HEPH: variants seen among roughly 807,000 people sequenced by gnomAD.
HEPH encodes hephaestin.
In HEPH, 69 loss-of-function variants were observed where a neutral mutation model predicts 80.8. The observed-to-expected ratio is 0.85, with a 90% CI of 0.70 to 1.04. HEPH has a LOEUF of 1.04. HEPH is among the 50% of genes least tolerant of loss of function. The pLI is 0.00. For synonymous variants in HEPH, 431 were observed against 322.8 expected (o/e 1.34, Z -3.60); for missense variants, 1,115 against 891.3 (o/e 1.25, Z -3.20).
rs1275712964 is a variant in HEPH, at chrX:66,260,087, A to G, written c.3037-13A>G. ...CTTCACTTCCTCTCCCTCATTCCCAATCTCTCTTGCAGAATGGCGAGAACT... is the reference window on the plus strand; with the variant it reads ...CTTCACTTCCTCTCCCTCATTCCCAGTCTCTCTTGCAGAATGGCGAGAACT... On this transcript the variant is annotated splice_polypyrimidine_tract_variant and intron_variant, in intron 18 of 20. Transcript: ENST00000343002. 2 of 1,202,209 alleles carry G rather than the reference A, an allele frequency of 1.7e-6. No homozygotes were observed. The highest frequency in any genetic ancestry group is 3.0e-5 in the East Asian group (1 of 33,671).
intron 15 of HEPH, among the ~76,000 whole-genome samples, chrX:66,230,073 A>G (rs1247965976): frequency 1.0e-5 from 1 of 100,322 alleles, no homozygotes; most frequent in South Asian, 5.1e-4. Context: ...ATGATTTCCA[A>G]TTTCATCCAT....
chrX:66,212,275 T>C (rs1186233785), intron 15 of HEPH, among the ~76,000 whole-genome samples: 2 of 110,397 alleles, frequency 1.8e-5, no homozygotes, highest in East Asian at 5.6e-4. Context: ...AATTTTTTTT[T>C]CCCATTCAGC....
intron 15 of HEPH, among the ~76,000 whole-genome samples, chrX:66,240,209 G>T (rs1251564622): frequency 1.8e-5 from 2 of 111,546 alleles, no homozygotes. Context: ...AATAGATATA[G>T]TCTCTTTATT....
intron 20 of HEPH, among the ~76,000 whole-genome samples, chrX:66,265,742 T>C (rs2091519001): frequency 8.9e-6 from 1 of 111,750 alleles, no homozygotes; most frequent in African/African-American, 3.2e-5. Context: ...TGAAAGGGGA[T>C]CACTTTTTAT....
chrX:66,234,456 G>A (rs1199673527), intron 15 of HEPH, among the ~76,000 whole-genome samples: 2 of 111,290 alleles, frequency 1.8e-5, no homozygotes, highest in African/African-American at 6.5e-5. Flanking sequence ...TGAGTTGAAT[G>A]GTAGTTCTGT....
intron 9 of HEPH, among the ~76,000 whole-genome samples, chrX:66,195,757 T>C (rs1426440653): frequency 1.8e-5 from 2 of 111,989 alleles, no homozygotes; most frequent in Non-Finnish European, 3.8e-5. Context: ...ATGTAGGTTT[T>C]TTTCAGTATT....
At chrX:66,194,919 T>G (rs769014890) in intron 8 of HEPH, among the ~76,000 whole-genome samples, 179 bp from the exon 9 acceptor site, 2 of 112,649 alleles carry the variant, frequency 1.8e-5, no homozygotes, top group Non-Finnish European at 3.7e-5. Flanking sequence ...TTCCCAGTGT[T>G]TTCTGTAATT....
chrX:66,177,292 G>T (rs1422118986), intron 4 of HEPH, among the ~76,000 whole-genome samples: 1 of 111,783 alleles, frequency 8.9e-6, no homozygotes, highest in Non-Finnish European at 1.9e-5. Context: ...AGTGTCAAAA[G>T]GATTGGTACC....
At chrX:66,200,432 G>A (rs2088372056) in intron 11 of HEPH, 108 bp from the exon 12 acceptor site, 1 of 586,707 alleles carries the variant, frequency 1.7e-6, no homozygotes, top group Admixed American at 3.5e-5. Flanking sequence ...TGACTCAGCA[G>A]TTTCAAGTTG....
intron 6 of HEPH, among the ~76,000 whole-genome samples, chrX:66,190,165 C>T (rs1276723514): frequency 9.2e-6 from 1 of 108,538 alleles, no homozygotes; most frequent in African/African-American, 3.4e-5. Flanking sequence ...TAATCTTCCC[C>T]ATCTTGAACA....
intron 15 of HEPH, among the ~76,000 whole-genome samples, chrX:66,228,697 A>C (rs951160775): frequency 8.9e-6 from 1 of 112,079 alleles, no homozygotes; most frequent in African/African-American, 3.2e-5. Flanking sequence ...AAAAAATCCC[A>C]TCAAAATGTG....
chrX:66,195,273 C>T, intron 9 of HEPH, 44 bp downstream of exon 9: 5 of 1,024,551 alleles, frequency 4.9e-6, no homozygotes, highest in Non-Finnish European at 6.4e-6. Flanking sequence ...CTAGGTGGTA[C>T]CATGTGTCTC....
chrX:66,230,441 T>C (rs2090079475), intron 15 of HEPH, among the ~76,000 whole-genome samples: 1 of 107,919 alleles, frequency 9.3e-6, no homozygotes, highest in Admixed American at 9.8e-5. Flanking sequence ...GCACCTGTTG[T>C]TTCCTGACTT....
At chrX:66,253,602 A>G (rs2091075697) in intron 15 of HEPH, among the ~76,000 whole-genome samples, 1 of 112,012 alleles carries the variant, frequency 8.9e-6, no homozygotes, top group South Asian at 3.7e-4. Flanking sequence ...CAACTCAGGA[A>G]TAAATGAAAA....
upstream of HEPH, chrX:66,164,218 T>C (rs768920790): frequency 9.3e-6 from 7 of 752,540 alleles, no homozygotes; most frequent in Admixed American, 8.8e-5. Flanking sequence ...CCGGGTTTTG[T>C]ATCAAACCAG....
In HEPH at chrX:66,192,170, G is replaced by A; in HGVS notation, c.1104G>A (p.Met368Ile). 8.3e-7 allele frequency: 1 copy of A among 1,209,960 alleles called. No individual in the cohort carries two copies. Among genetic ancestry groups the A allele is most frequent in the Non-Finnish European group, 1.1e-6 (1 of 894,780 alleles). The change falls in exon 7 of 21, where the codon ATG (methionine) becomes ATA (isoleucine). Residue 368 changes from methionine to isoleucine, a missense_variant. Physicochemically the swap from Met to Ile is conservative, Grantham distance 10. Transcript: ENST00000343002. ...TCTACAAGGTCAAGTCTTGCTCCAT[G>A]GCCCCTCCTGTGGACCTGCTCACAG... The part of the protein sequence containing the change: ...QALYKVKSCS[M>I]APPVDLLTGK...
chrX:66,256,488 A>G (rs919761927), intron 17 of HEPH, 158 bp downstream of exon 17: 1 of 442,713 alleles, frequency 2.3e-6, no homozygotes, highest in African/African-American at 2.5e-5. Context: ...ATTTCCTATT[A>G]TTGTACATTT....
intron 15 of HEPH, among the ~76,000 whole-genome samples, chrX:66,232,510 G>A (rs1266950873): frequency 9.0e-6 from 1 of 111,297 alleles, no homozygotes; most frequent in African/African-American, 3.3e-5. Flanking sequence ...CAATTTTTAT[G>A]TTTTAATATA....
chrX:66,224,076 C>T (rs1175368045), intron 15 of HEPH, among the ~76,000 whole-genome samples: 1 of 85,944 alleles, frequency 1.2e-5, no homozygotes, highest in Non-Finnish European at 2.0e-5. Context: ...TGCAGCCCCT[C>T]TTTCCCCCGC....
Sources: gnomAD v4.1 joint callset for allele counts (sites outside exome capture counted in the v4.1 genomes callset) on GRCh38, gnomAD v4.1.1 for gene constraint, MANE v1.5 for transcripts, NCBI Gene and HGNC (gene_info 2026-07-23, HGNC 2026-07-21) for gene names.